Variants in ARNT2 observed in about 807,000 individuals in gnomAD.
ARNT2 encodes aryl hydrocarbon receptor nuclear translocator 2, also known as ARNT protein 2.
A neutral mutation model predicts 91.7 loss-of-function variants in ARNT2; 36 were observed. The observed-to-expected ratio is 0.39, with a 90% CI of 0.30 to 0.52. The LOEUF is 0.52. Ranked by LOEUF, ARNT2 falls within the 20% of genes least tolerant of loss-of-function variation. ARNT2 has a pLI of 0.72. For synonymous variants in ARNT2, 365 were observed against 347.1 expected (o/e 1.05, Z -0.57); for missense variants, 775 against 939.3 (o/e 0.83, Z 2.29).
chr15:80,511,296 T>C (rs8036506), intron 6 of ARNT2, among the ~76,000 whole-genome samples: 5,066 of 152,230 alleles, frequency 0.033, 157 homozygotes, highest in African/African-American at 0.084. Context: ...AAATACCGCA[T>C]ATTCTCACTT....
Position 80,482,774 on chromosome 15 carries a change from T to C in ARNT2, c.622+7551T>C, listed in dbSNP as rs550338944. Among the ~76,000 whole-genome samples, 23 of 152,296 alleles carry C rather than the reference T, an allele frequency of 1.5e-4. No individual in the cohort carries two copies. The South Asian group carries it at 4.8e-3, about 32-fold the overall frequency. Reference sequence around the variant, plus strand: ...AGTCCTTAGGCCAGATGCATGAGCATCACTTGTGAACTTGTTAGAAATGCA... The same window carrying C: ...AGTCCTTAGGCCAGATGCATGAGCACCACTTGTGAACTTGTTAGAAATGCA... On this transcript the variant is annotated intron_variant, in intron 5 of 18. Transcript: ENST00000303329.
intron 2 of ARNT2, among the ~76,000 whole-genome samples, chr15:80,451,587 T>G (rs1441340715): frequency 6.6e-6 from 1 of 152,198 alleles, no homozygotes; most frequent in African/African-American, 2.4e-5. Flanking sequence ...CACCTATTCA[T>G]GATCCATAAT....
rs74029813 is a variant in ARNT2 at position 80,485,688 on chromosome 15, A to G, written c.622+10465A>G. 5.1e-3 allele frequency among the ~76,000 whole-genome samples: 783 copies of G among 152,222 alleles called. 8 individuals carry two copies. The highest frequency in any genetic ancestry group is 0.017 in the African/African-American group (693 of 41,534). Reference sequence around the variant, plus strand: ...GGTGAGGAGATGGTGAAGCGTGGGGAGAGGGGATGCTGACTCCAAGACCAA... The same window carrying G: ...GGTGAGGAGATGGTGAAGCGTGGGGGGAGGGGATGCTGACTCCAAGACCAA... On this transcript the variant is annotated intron_variant, in intron 5 of 18. Transcript: ENST00000303329.
At chr15:80,520,219 TTAGA>T (rs1244693542) in intron 8 of ARNT2, among the ~76,000 whole-genome samples, 1 of 152,078 alleles carries the variant, frequency 6.6e-6, no homozygotes, top group Non-Finnish European at 1.5e-5. Flanking sequence ...ATACAGTACC[TTAGA>T]TAGTTCATGC....
intron 3 of ARNT2, among the ~76,000 whole-genome samples, chr15:80,463,902 T>G (rs1490991685): frequency 6.6e-6 from 1 of 152,166 alleles, no homozygotes; most frequent in East Asian, 1.9e-4. Context: ...TGTTTGGCTC[T>G]CACATGATGG....
chr15:80,524,885 A>G (rs1445227986), intron 8 of ARNT2, among the ~76,000 whole-genome samples: 1 of 152,108 alleles, frequency 6.6e-6, no homozygotes, highest in Non-Finnish European at 1.5e-5. Context: ...AAAAAAAAAA[A>G]AAAAGAACAA....
At chr15:80,586,727 A>G (rs1893178567) in intron 17 of ARNT2, among the ~76,000 whole-genome samples, 1 of 151,430 alleles carries the variant, frequency 6.6e-6, no homozygotes, top group African/African-American at 2.4e-5. Flanking sequence ...TTAGCCGGGC[A>G]TGGTGGTGCG....
At position 80,555,136 on chromosome 15, in the gene ARNT2, G is replaced by T; in HGVS notation, c.1161G>T (p.Gln387His). 3 of 1,614,186 alleles carry T rather than the reference G, an allele frequency of 1.9e-6. No individual in the cohort carries two copies. The Admixed American group carries it at 5.0e-5, about 27-fold the overall frequency. The part of the protein sequence containing the change: ...EDQSHLRESF[Q>H]QVVKLKGQVL... ...AAAGCCATCTGCGTGAGAGCTTCCAGCAGGTACATACTGCCAGTACCCACT... is the reference window on the plus strand; with the variant it reads ...AAAGCCATCTGCGTGAGAGCTTCCATCAGGTACATACTGCCAGTACCCACT... The change falls in exon 11 of 19, where the codon CAG (glutamine) becomes CAT (histidine). Residue 387 changes from glutamine to histidine, a missense_variant. By Grantham distance (24) the Gln-to-His change is conservative. Around this residue, in one of 5 missense-constraint regions of ARNT2, gnomAD observed 285 missense variants for 327.2 expected, o/e 0.87. Transcript: ENST00000303329.
intron 8 of ARNT2, among the ~76,000 whole-genome samples, chr15:80,523,036 G>A (rs1311547787): frequency 1.3e-5 from 2 of 152,054 alleles, no homozygotes; most frequent in South Asian, 4.1e-4. Context: ...CAGGGAGTGT[G>A]AAAGAGTTCT....
At chr15:80,427,399 C>T (rs1895948946) in intron 1 of ARNT2, among the ~76,000 whole-genome samples, 2 of 152,050 alleles carry the variant, frequency 1.3e-5, no homozygotes, top group South Asian at 4.2e-4. Flanking sequence ...AGCATGAGGG[C>T]CGTTCTTGGT....
chr15:80,432,910 G>A (rs1896030640), intron 1 of ARNT2, among the ~76,000 whole-genome samples: 1 of 152,144 alleles, frequency 6.6e-6, no homozygotes, highest in Non-Finnish European at 1.5e-5. Context: ...GTACCAAATA[G>A]CATAAAAATA....
chr15:80,438,114 G>A (rs574026748), intron 1 of ARNT2, among the ~76,000 whole-genome samples: 2 of 152,190 alleles, frequency 1.3e-5, no homozygotes, highest in African/African-American at 2.4e-5. Flanking sequence ...AACAAAAATA[G>A]GTATTGTTCT....
At chr15:80,514,213 C>T in intron 7 of ARNT2, 107 bp from the exon 8 acceptor site, 2 of 1,232,658 alleles carry the variant, frequency 1.6e-6, no homozygotes, top group Middle Eastern at 2.4e-4. Flanking sequence ...GATTCAAAAC[C>T]ACAAAGGCAG....
chr15:80,483,155 G>A (rs967480019), intron 5 of ARNT2, among the ~76,000 whole-genome samples: 6 of 152,210 alleles, frequency 3.9e-5, no homozygotes, highest in East Asian at 1.9e-4. Context: ...ATGAAGTGCA[G>A]GGAGCTTCTT....
intron 17 of ARNT2, among the ~76,000 whole-genome samples, chr15:80,590,748 A>G (rs1034572998): frequency 1.3e-5 from 2 of 152,234 alleles, no homozygotes; most frequent in Admixed American, 6.5e-5. Flanking sequence ...TCTCGTATGT[A>G]AAAAACCAAT....
intron 1 of ARNT2, among the ~76,000 whole-genome samples, chr15:80,431,651 C>T (rs931489555): frequency 6.6e-6 from 1 of 152,206 alleles, no homozygotes; most frequent in Admixed American, 6.5e-5. Context: ...TCTGTTCTTC[C>T]CTTGGACCTC....
chr15:80,584,361 G>T (rs907493546), intron 17 of ARNT2, among the ~76,000 whole-genome samples: 2 of 152,160 alleles, frequency 1.3e-5, no homozygotes, highest in Non-Finnish European at 2.9e-5. Context: ...GAAGTGGAGT[G>T]CTGGCTGGGA....
At chr15:80,542,573 G>C (rs1428330330) in intron 8 of ARNT2, among the ~76,000 whole-genome samples, 1 of 152,116 alleles carries the variant, frequency 6.6e-6, no homozygotes, top group Non-Finnish European at 1.5e-5. Flanking sequence ...TCAAATAGTT[G>C]CAGAGGAATC....
intron 12 of ARNT2, among the ~76,000 whole-genome samples, chr15:80,565,964 C>T (rs1388522559): frequency 6.6e-6 from 1 of 152,164 alleles, no homozygotes; most frequent in East Asian, 1.9e-4. Context: ...CTTTCTAAGC[C>T]TCGGTTGCTT....
Sources: gnomAD v4.1 joint callset for allele counts (sites outside exome capture counted in the v4.1 genomes callset) on GRCh38, gnomAD v4.1.1 for gene constraint, gnomAD v4.1.1 regional missense constraint, MANE v1.5 for transcripts, NCBI Gene and HGNC (gene_info 2026-07-23, HGNC 2026-07-21) for gene names.